Variants in ANTXR1 observed in about 807,000 individuals in gnomAD.
The protein encoded by ANTXR1 is anthrax toxin receptor 1.
A neutral mutation model predicts 78.1 loss-of-function variants in ANTXR1; 19 were observed. The ratio of observed to expected loss-of-function variants is 0.24; its 90% CI spans 0.17 to 0.36. ANTXR1 has a LOEUF of 0.36. Among genes scored for constraint, ANTXR1 ranks in the 10% least tolerant of loss-of-function variants. ANTXR1 has a pLI of 1.00. For synonymous variants in ANTXR1, 273 were observed against 260.5 expected (o/e 1.05, Z -0.46); for missense variants, 518 against 718.6 (o/e 0.72, Z 3.19).
rs80237861 is a variant in ANTXR1 at position 69,155,647 on chromosome 2, G to C, written c.1047+3383G>C. ...TATTAGACGAGTAAATGTTATGAAT[G>C]GCTTGAATGTGTAGGGGGGAAAGTC... On this transcript the variant is annotated intron_variant, in intron 13 of 17. Coordinates refer to ENST00000303714, the MANE Select transcript of ANTXR1 (RefSeq NM_032208.3). Among the ~76,000 whole-genome samples the C allele has an allele frequency of 4.8e-3, 735 of 152,266 alleles. 9 individuals carry two copies. The highest frequency in any genetic ancestry group is 8.1e-3 in the South Asian group (39 of 4,824).
intron 1 of ANTXR1, among the ~76,000 whole-genome samples, chr2:69,039,459 C>T (rs1233454295): frequency 2.7e-5 from 4 of 149,918 alleles, no homozygotes; most frequent in South Asian, 2.3e-4. Flanking sequence ...TTTATTAATA[C>T]GACTAAATTA....
chr2:69,115,816 A>AG (rs1326021276), intron 10 of ANTXR1, among the ~76,000 whole-genome samples: 3 of 152,254 alleles, frequency 2.0e-5, no homozygotes, highest in African/African-American at 7.2e-5. Flanking sequence ...ATACCAGGTC[A>AG]GGGAAAAGGT....
intron 17 of ANTXR1, among the ~76,000 whole-genome samples, chr2:69,220,631 A>G (rs1675296294): frequency 6.6e-6 from 1 of 152,234 alleles, no homozygotes; most frequent in African/African-American, 2.4e-5. Context: ...ATTGTTATTT[A>G]TTCTTTAAAA....
intron 17 of ANTXR1, among the ~76,000 whole-genome samples, chr2:69,214,502 C>T (rs1007747431): frequency 2.6e-5 from 4 of 152,148 alleles, no homozygotes; most frequent in Non-Finnish European, 4.4e-5. Flanking sequence ...AAGTACAATC[C>T]GAGAGATTAA....
At position 69,013,972 on chromosome 2, in the gene ANTXR1, C is replaced by T. The variant is rs1016422820; in HGVS notation, c.152+321C>T. ...TCTTGCTGAGTTTCTGTGACTCCCT[C>T]CCGTGTTGGTGGGAAAGGCTTGCTT... On this transcript the variant is annotated intron_variant, in intron 1 of 17. Transcript: ENST00000303714. This position sits in a 1 kb window ranked among gnomAD's most constrained non-coding sequence, Gnocchi z 5.0. 6.6e-6 allele frequency among the ~76,000 whole-genome samples: 1 copy of T among 152,246 alleles called. No homozygotes were observed. Among genetic ancestry groups the T allele is most frequent in the African/African-American group, 2.4e-5 (1 of 41,464 alleles).
At chr2:69,024,132 T>C (rs914225379) in intron 1 of ANTXR1, among the ~76,000 whole-genome samples, 7 of 152,060 alleles carry the variant, frequency 4.6e-5, no homozygotes, top group Non-Finnish European at 8.8e-5. Context: ...TCAGCAGGAT[T>C]GGATGAGCCA....
intron 17 of ANTXR1, 65 bp downstream of exon 17, chr2:69,193,480 C>A: frequency 7.8e-7 from 1 of 1,283,818 alleles, no homozygotes; most frequent in Non-Finnish European, 1.1e-6. Context: ...CACACACACA[C>A]ACACACACAC....
At chr2:69,174,299 C>T (rs964385753) in intron 14 of ANTXR1, among the ~76,000 whole-genome samples, 18 of 152,294 alleles carry the variant, frequency 1.2e-4, no homozygotes, top group African/African-American at 4.1e-4. Flanking sequence ...TGCTCCTGTG[C>T]GCTGATAGCA....
chr2:69,164,609 C>G (rs1183864708), intron 13 of ANTXR1, among the ~76,000 whole-genome samples: 1 of 152,156 alleles, frequency 6.6e-6, no homozygotes, highest in East Asian at 1.9e-4. Flanking sequence ...ACAGTGCAGA[C>G]AGAGAGAGAT....
chr2:69,223,987 G>C (rs2104513625), intron 17 of ANTXR1, among the ~76,000 whole-genome samples: 1 of 152,240 alleles, frequency 6.6e-6, no homozygotes, highest in Admixed American at 6.5e-5. Context: ...TCTCCACCCG[G>C]TCCTGCCAAT....
At chr2:69,157,573 T>C (rs1220441768) in intron 13 of ANTXR1, among the ~76,000 whole-genome samples, 1 of 152,102 alleles carries the variant, frequency 6.6e-6, no homozygotes, top group African/African-American at 2.4e-5. Flanking sequence ...ACCGCTGATG[T>C]CTTCTTCTGT....
intron 17 of ANTXR1, among the ~76,000 whole-genome samples, chr2:69,231,038 G>A (rs28625418): frequency 1.3e-4 from 20 of 152,122 alleles, no homozygotes; most frequent in Admixed American, 1.2e-3. Context: ...GCTCCCACTT[G>A]TAAGTGAGAA....
intron 12 of ANTXR1, among the ~76,000 whole-genome samples, chr2:69,141,711 A>G (rs1363604958): frequency 6.6e-6 from 1 of 152,238 alleles, no homozygotes; most frequent in Non-Finnish European, 1.5e-5. Context: ...ATGTGTCAAA[A>G]TGGGTTAACT....
intron 12 of ANTXR1, among the ~76,000 whole-genome samples, chr2:69,128,305 A>G (rs886826011): frequency 2.6e-5 from 4 of 152,222 alleles, no homozygotes; most frequent in African/African-American, 7.2e-5. Context: ...AAAAATTTAT[A>G]TCAGTATTGT....
intron 3 of ANTXR1, among the ~76,000 whole-genome samples, chr2:69,056,748 A>G (rs1256088888): frequency 1.3e-5 from 2 of 152,144 alleles, no homozygotes; most frequent in Non-Finnish European, 2.9e-5. Flanking sequence ...ATCTTGGCTC[A>G]CTACAACTTC....
intron 3 of ANTXR1, among the ~76,000 whole-genome samples, chr2:69,070,178 G>A (rs61091469): frequency 0.059 from 8,998 of 152,202 alleles, 891 homozygotes; most frequent in African/African-American, 0.2. Context: ...TTTATTTTCC[G>A]TTTCCTTTGG....
intron 12 of ANTXR1, among the ~76,000 whole-genome samples, chr2:69,129,726 G>C (rs965117661): frequency 6.6e-6 from 1 of 151,332 alleles, no homozygotes; most frequent in South Asian, 2.1e-4. Flanking sequence ...ACTCCAGCCT[G>C]GTAACAGAGC....
intron 9 of ANTXR1, among the ~76,000 whole-genome samples, chr2:69,099,431 T>C (rs929756072): frequency 1.3e-5 from 2 of 152,212 alleles, no homozygotes; most frequent in Admixed American, 1.3e-4. Context: ...TTTGTGTGGA[T>C]ATAACTTTCA....
chr2:69,183,581 T>TG (rs1558629053), intron 16 of ANTXR1, among the ~76,000 whole-genome samples: 1 of 137,606 alleles, frequency 7.3e-6, no homozygotes, highest in African/African-American at 3.0e-5. Context: ...TTTGTTTTTT[T>TG]TTTTTTTTTT....
Sources: allele counts gnomAD v4.1 joint callset (sites outside exome capture counted in the v4.1 genomes callset), GRCh38; gene constraint gnomAD v4.1.1; non-coding constraint Gnocchi (gnomAD v3.1); transcripts MANE v1.5; gene names NCBI Gene and HGNC (gene_info 2026-07-23, HGNC 2026-07-21).